Variants in FGD4 observed in about 807,000 individuals in gnomAD.
FGD4 encodes FYVE, RhoGEF and PH domain-containing protein 4.
Under a neutral mutation model 102.0 loss-of-function variants are expected in FGD4, and 42 were observed. The observed-to-expected ratio is 0.41, with a 90% confidence interval of 0.32 to 0.53. The LOEUF is 0.53. Among genes scored for constraint, FGD4 ranks in the 20% least tolerant of loss-of-function variants. FGD4 has a pLI of 0.21. For missense variants in FGD4, 902 were observed against 1,078.2 expected (o/e 0.84, Z 2.29); for synonymous variants, 380 against 375.7 (o/e 1.01, Z -0.13).
At chr12:32,466,300 T>C (rs1256472377) in intron 1 of FGD4, among the ~76,000 whole-genome samples, 10 of 152,140 alleles carry the variant, frequency 6.6e-5, no homozygotes. Flanking sequence ...TAAAAAATTG[T>C]ATCATAAGGA....
At chr12:32,572,282 A>T (rs1945739005) in intron 2 of FGD4, among the ~76,000 whole-genome samples, 1 of 152,190 alleles carries the variant, frequency 6.6e-6, no homozygotes, top group African/African-American at 2.4e-5. Flanking sequence ...CAGCTAAGTA[A>T]ATGTTATAGT....
At chr12:32,425,622 G>T (rs1389083443) in intron 1 of FGD4, among the ~76,000 whole-genome samples, 1 of 152,196 alleles carries the variant, frequency 6.6e-6, no homozygotes, top group Admixed American at 6.5e-5. Context: ...GTCAGTGGTA[G>T]TTTGATGGGG....
Position 32,581,966 on chromosome 12 carries a change from A to T in FGD4, c.510A>T (p.Leu170Phe). The T allele has an allele frequency of 6.2e-7, 1 of 1,614,028 alleles. No individual in the cohort carries two copies. Among genetic ancestry groups the T allele is most frequent in the Non-Finnish European group, 8.5e-7 (1 of 1,179,944 alleles). Residue 170 changes from leucine (L) to phenylalanine (F), a missense_variant, in exon 4 of 17, where the codon TTA (leucine) becomes TTT (phenylalanine). Transcript: ENST00000534526. ...TTTGTATTTTATCTTTTAGCTCATT[A>T]TCAAATTATAGTGATTTGAAGAAAG... Reference protein sequence around the residue: ...LISRFEGGSSLSNYSDLKKES... With the variant: ...LISRFEGGSSFSNYSDLKKES...
intron 1 of FGD4, among the ~76,000 whole-genome samples, chr12:32,405,510 C>A (rs1940897857): frequency 6.6e-6 from 1 of 152,044 alleles, no homozygotes; most frequent in Non-Finnish European, 1.5e-5. Context: ...CCACCCGCCT[C>A]GGCCTCCCAA....
chr12:32,637,599 G>GAATGAATAAATAAATAAATAAATAAATA (rs140822380), intron 15 of FGD4: 4 of 147,104 alleles, frequency 2.7e-5, no homozygotes, highest in African/African-American at 1.0e-4. Context: ...CCATCTCTAT[G>GAATGAATAAATAAATAAATAAATAAATA]AATAAATAAA....
intron 1 of FGD4, among the ~76,000 whole-genome samples, chr12:32,527,811 A>G (rs1054446538): frequency 6.6e-6 from 1 of 151,474 alleles, no homozygotes; most frequent in Non-Finnish European, 1.5e-5. Context: ...AAATCCTTAT[A>G]GATAAGATCA....
At chr12:32,511,306 C>G (rs1019635168) in intron 1 of FGD4, 1 of 151,994 alleles carries the variant, frequency 6.6e-6, no homozygotes, top group Admixed American at 6.6e-5. Flanking sequence ...TTAGGGCGAT[C>G]GGTGTGATAT....
intron 1 of FGD4, among the ~76,000 whole-genome samples, chr12:32,501,666 TAACA>T (rs1938228349): frequency 6.6e-6 from 1 of 152,238 alleles, no homozygotes; most frequent in Non-Finnish European, 1.5e-5. Flanking sequence ...ATTTTCAAAC[TAACA>T]TTTTTTCCAA....
Position 32,610,812 on chromosome 12 carries a change from C to G in FGD4, c.1580C>G (p.Ser527Cys). ...ATTATATCTACAGCAGCAAGCCATT[C>G]TAATAGTGCAATAAGGAAAATGGTA... is the stretch of plus-strand genomic sequence containing the variant. ...LEIISTAASH[S>C]NSAIRKMENL... The change falls in exon 9 of 17, where the codon TCT becomes TGT. Residue 527 changes from serine to cysteine, a missense_variant. Physicochemically the swap from Ser to Cys is moderately radical, Grantham distance 112 (BLOSUM62 -1). This residue lies in a region of FGD4 where 459 missense variants were observed against 619.0 expected (regional missense o/e 0.74). Transcript: ENST00000534526. 6.2e-7 allele frequency: 1 copy of G among 1,613,582 alleles called. No individual in the cohort carries two copies. Among genetic ancestry groups the G allele is most frequent in the Non-Finnish European group, 8.5e-7 (1 of 1,179,820 alleles).
intron 1 of FGD4, among the ~76,000 whole-genome samples, chr12:32,422,287 G>GTTTTTTT (rs1565730786): frequency 1.1e-5 from 1 of 91,674 alleles, no homozygotes; most frequent in Non-Finnish European, 2.3e-5. Context: ...ATTGGGAGCT[G>GTTTTTTT]CTTTTTTTTT....
chr12:32,607,891 A>T, intron 7 of FGD4, 66 bp from the exon 8 acceptor site: 1 of 1,584,092 alleles, frequency 6.3e-7, no homozygotes, highest in Non-Finnish European at 8.7e-7. Context: ...GTTCTGTTTT[A>T]CAGTGAGTTT....
intron 1 of FGD4, among the ~76,000 whole-genome samples, chr12:32,555,049 G>A (rs1943977641): frequency 6.6e-6 from 1 of 152,198 alleles, no homozygotes; most frequent in Non-Finnish European, 1.5e-5. Context: ...TGACAATATG[G>A]ACTGCACTGG....
chr12:32,427,958 T>C (rs1252813830), intron 1 of FGD4, among the ~76,000 whole-genome samples: 4 of 152,196 alleles, frequency 2.6e-5, no homozygotes, highest in African/African-American at 9.7e-5. Context: ...ATGCGTGTCT[T>C]TGCATGTGAG....
chr12:32,436,150 A>C (rs1942222064), intron 1 of FGD4, among the ~76,000 whole-genome samples: 1 of 152,216 alleles, frequency 6.6e-6, no homozygotes, highest in Non-Finnish European at 1.5e-5. Flanking sequence ...CTCCTATTAG[A>C]ATAAATAAAT....
intron 1 of FGD4, among the ~76,000 whole-genome samples, chr12:32,455,487 A>C (rs1208368500): frequency 6.6e-6 from 1 of 152,068 alleles, no homozygotes; most frequent in African/African-American, 2.4e-5. Flanking sequence ...CATTTCTTTT[A>C]TCTCCTCAAG....
intron 1 of FGD4, among the ~76,000 whole-genome samples, chr12:32,479,976 A>T (rs1416166442): frequency 6.6e-6 from 1 of 151,348 alleles, no homozygotes; most frequent in African/African-American, 2.4e-5. Flanking sequence ...TTTCTTATAG[A>T]GACAGGGTCC....
intron 15 of FGD4, among the ~76,000 whole-genome samples, chr12:32,636,728 A>G (rs563481693): frequency 9.9e-5 from 15 of 152,136 alleles, no homozygotes; most frequent in Non-Finnish European, 2.1e-4. Flanking sequence ...GCAGACCTGG[A>G]GACCAACATG....
At position 32,576,244 on chromosome 12, in the gene FGD4, A is replaced by G. The variant is rs762713946; in HGVS notation, c.320-22A>G. 14 of 1,555,556 alleles carry G rather than the reference A, an allele frequency of 9.0e-6. No individual in the cohort carries two copies. In the South Asian group the frequency reaches 1.3e-4, roughly 14 times the overall value. On this transcript the variant is annotated intron_variant, in intron 2 of 16. Coordinates refer to ENST00000534526, the MANE Select transcript of FGD4 (RefSeq NM_001370298.3). ...TTGAACAAAATATCAGTGAAATACT[A>G]TATTCTATTCTTTTTCTACAGTGCC...
At chr12:32,540,313 C>G (rs1942704472) in intron 1 of FGD4, among the ~76,000 whole-genome samples, 1 of 152,086 alleles carries the variant, frequency 6.6e-6, no homozygotes, top group Non-Finnish European at 1.5e-5. Flanking sequence ...TTCATTGATT[C>G]AAGGAAATTT....
Sources: allele counts gnomAD v4.1 joint callset (sites outside exome capture counted in the v4.1 genomes callset), GRCh38; gene constraint gnomAD v4.1.1; regional missense constraint gnomAD v4.1.1; transcripts MANE v1.5; gene names NCBI Gene and HGNC (gene_info 2026-07-23, HGNC 2026-07-21).